The following SLC30A5 variants were observed in gnomAD, a reference collection of about 807,000 sequenced individuals.
The protein encoded by SLC30A5 is solute carrier family 30 member 5, also known as proton-coupled zinc antiporter SLC30A5.
A neutral mutation model predicts 79.6 loss-of-function variants in SLC30A5; 33 were observed. The observed-to-expected ratio is 0.41, with a 90% confidence interval of 0.31 to 0.55. SLC30A5 has a LOEUF of 0.55. Ranked by LOEUF, SLC30A5 falls within the 20% of genes least tolerant of loss-of-function variation. The pLI, the probability that SLC30A5 is intolerant of heterozygous loss-of-function variation, is 0.20. For synonymous variants in SLC30A5, 299 were observed against 319.7 expected (o/e 0.94, Z 0.69); for missense variants, 788 against 928.1 (o/e 0.85, Z 1.96).
Position 69,129,368 on chromosome 5 carries a change from A to G in SLC30A5, c.2128-79A>G. On this transcript the variant is annotated intron_variant, in intron 15 of 15. Transcript: ENST00000396591. ...AGATTAAAGATACTCAACCCGTATC[A>G]ACTATGTACAGCATATTAAGACGTG... The G allele has an allele frequency of 3.1e-6, 3 of 978,134 alleles. No individual in the cohort carries two copies. The South Asian group carries it at 7.0e-5, about 23-fold the overall frequency. The allele number at this position is 978,134 out of a possible 1,614,324, so 60.6% of individuals were successfully genotyped here. A position where few individuals can be genotyped will look rare whatever the true frequency, so the allele number is the denominator to read the frequency against.
In SLC30A5 at chr5:69,116,323, G is replaced by A. The variant is rs183314631; in HGVS notation, c.1073-71G>A. 2.1e-3 allele frequency: 3,098 copies of A among 1,492,582 alleles called. 12 individuals are homozygous for A. The highest frequency in any genetic ancestry group is 5.5e-3 in the South Asian group (408 of 73,682). 92.5% of individuals were successfully genotyped at this position (1,492,582 alleles called of 1,614,324 possible). A position where few individuals can be genotyped will look rare whatever the true frequency, so the allele number is the denominator to read the frequency against. ...TTCTTCAGTGCTTGCATTTAGTGCC[G>A]ACAGTTACTGTGTTGGTTTTGGTAG... On this transcript the variant is annotated intron_variant, in intron 9 of 15. Coordinates refer to ENST00000396591, the MANE Select transcript of SLC30A5 (RefSeq NM_022902.5). This position sits in a 1 kb window ranked among gnomAD's most constrained non-coding sequence, Gnocchi z 4.0.
Position 69,129,541 on chromosome 5 carries a change from G to GAC in SLC30A5, c.2223_2224insCA (p.Phe742HisfsTer8). On this transcript the variant is annotated frameshift_variant, in exon 16 of 16. Transcript: ENST00000396591. LOFTEE classifies it high-confidence loss of function. ...CAACATATGTCTGGCCTAAGTACTG[G>GAC]ATTTCATGATGTTCTGGCTATGACA... 6.2e-7 allele frequency: 1 copy of GAC among 1,613,590 alleles called. No individual in the cohort carries two copies. The highest frequency in any genetic ancestry group is 8.5e-7 in the Non-Finnish European group (1 of 1,179,806).
intron 14 of SLC30A5, chr5:69,123,646 G>A (rs1746595641): frequency 1.6e-5 from 7 of 434,408 alleles, no homozygotes; most frequent in South Asian, 5.8e-5. Context: ...AACAGGGACC[G>A]AATAGATGGA....
rs1055021676 is a variant in SLC30A5, at chr5:69,130,867, T to C, written c.*1250T>C. 4.6e-5 allele frequency: 7 copies of C among 152,146 alleles called. No individual in the cohort carries two copies. The highest frequency in any genetic ancestry group is 1.7e-4 in the African/African-American group (7 of 41,446). 9.4% of individuals were successfully genotyped at this position (152,146 alleles called of 1,614,324 possible). On this transcript the variant is annotated 3_prime_UTR_variant, in exon 16 of 16. Transcript: ENST00000396591. Reference sequence around the variant, plus strand: ...TTCTTATATTAAGAATTTTGATAAGTAGATTGAATTTAGTATGAGTACTAT... The same window carrying C: ...TTCTTATATTAAGAATTTTGATAAGCAGATTGAATTTAGTATGAGTACTAT...
At position 69,105,657 on chromosome 5, in the gene SLC30A5, CA is replaced by C. The variant is rs34252615; in HGVS notation, c.359+952del. Among the ~76,000 whole-genome samples the C allele has an allele frequency of 9.3e-3, 1,373 of 147,154 alleles. 26 individuals are homozygous for C. Among genetic ancestry groups the C allele is most frequent in the African/African-American group, 0.033 (1,303 of 40,090 alleles). On this transcript the variant is annotated intron_variant, in intron 4 of 15. Coordinates refer to ENST00000396591, the MANE Select transcript of SLC30A5 (RefSeq NM_022902.5). ...TGGGCAACAGAGCGAGACTCCGTCTCAAAAAAAAAAAGAATGTTCTAAAGCA... is the reference window on the plus strand; with the variant it reads ...TGGGCAACAGAGCGAGACTCCGTCTCAAAAAAAAAAGAATGTTCTAAAGCA...
At chr5:69,112,716 C>T (rs923410293) in intron 5 of SLC30A5, among the ~76,000 whole-genome samples, 2 of 152,026 alleles carry the variant, frequency 1.3e-5, no homozygotes, top group African/African-American at 4.8e-5. Context: ...TTTACCGTGC[C>T]CTCTGGATTA....
chr5:69,115,165 AGATC>A, intron 7 of SLC30A5, 68 bp from the exon 8 acceptor site: 18 of 754,518 alleles, frequency 2.4e-5, no homozygotes, highest in African/African-American at 6.5e-5. Context: ...AAAAAAAAAA[AGATC>A]ATGTATTTAA....
chr5:69,117,301 T>G lies in SLC30A5; in HGVS notation c.1344T>G (p.Asp448Glu), dbSNP rs35833443. Residue 448 changes from aspartate (D) to glutamate (E), a missense_variant, in exon 11 of 16, where the codon GAT (aspartate) becomes GAG (glutamate). Asp to Glu is a conservative substitution (Grantham distance 45). Transcript: ENST00000396591. ...VLTNSLGLIS[D>E]GFHMLFDCSA... ...CCAATAGTCTGGGCCTGATCTCGGA[T>G]GGATTCCACATGCTTTTTGACTGCT... is the stretch of plus-strand genomic sequence containing the variant. The G allele has an allele frequency of 1.2e-6, 2 of 1,614,030 alleles. No individual in the cohort carries two copies. The highest frequency in any genetic ancestry group is 1.7e-6 in the Non-Finnish European group (2 of 1,179,960).
At chr5:69,112,032 G>A (rs895147548) in intron 5 of SLC30A5, among the ~76,000 whole-genome samples, 8 of 152,154 alleles carry the variant, frequency 5.3e-5, no homozygotes, top group Non-Finnish European at 1.2e-4. Context: ...AGGCACAGTG[G>A]CTCATGCCTG....
At chr5:69,105,116 T>G (rs2111951610) in intron 4 of SLC30A5, among the ~76,000 whole-genome samples, 1 of 152,346 alleles carries the variant, frequency 6.6e-6, no homozygotes, top group African/African-American at 2.4e-5. Flanking sequence ...TTGCACAATT[T>G]TGCAAATACT....
Position 69,117,255 on chromosome 5 carries a change from AATT to A in SLC30A5, c.1302_1304del (p.Leu434del). The A allele has an allele frequency of 6.2e-7, 1 of 1,611,412 alleles. No individual in the cohort carries two copies. The highest frequency in any genetic ancestry group is 8.5e-7 in the Non-Finnish European group (1 of 1,178,534). On this transcript the variant is annotated inframe_deletion, in exon 11 of 16. Transcript: ENST00000396591. ...CATTTTTAGCTTTTTACCTTTGTGGAATTATTCTATGGCGTGCTGACCAATAGT... is the reference window on the plus strand; with the variant it reads ...CATTTTTAGCTTTTTACCTTTGTGGAATTCTATGGCGTGCTGACCAATAGT...
In SLC30A5 at chr5:69,115,373, G is replaced by A; in HGVS notation, c.749G>A (p.Cys250Tyr). Reference protein sequence around the residue: ...LSHLVSVLLLCPWVIVLSVTT... With the variant: ...LSHLVSVLLLYPWVIVLSVTT... ...CATCTTGTTTCTGTGCTTCTCTTGT[G>A]CCCATGGGTCATTGTTCTTTCTGTG... The change falls in exon 8 of 16, where the codon TGC becomes TAC. Residue 250 changes from cysteine to tyrosine, a missense_variant. Coordinates refer to ENST00000396591, the MANE Select transcript of SLC30A5 (RefSeq NM_022902.5). 1 of 1,613,830 alleles carries A rather than the reference G, an allele frequency of 6.2e-7. No homozygotes were observed. The highest frequency in any genetic ancestry group is 1.3e-5 in the African/African-American group (1 of 75,002).
intron 1 of SLC30A5, among the ~76,000 whole-genome samples, chr5:69,095,489 C>T (rs1156715450): frequency 2.0e-5 from 3 of 152,076 alleles, no homozygotes; most frequent in African/African-American, 7.2e-5. Context: ...CATGAGCCAC[C>T]GCGCCCGCCC....
chr5:69,123,467 C>T, intron 14 of SLC30A5, 42 bp downstream of exon 14: 2 of 1,497,178 alleles, frequency 1.3e-6, no homozygotes, highest in Non-Finnish European at 1.9e-6. Flanking sequence ...CCTTGAAAAT[C>T]ACATTTTTGA....
chr5:69,096,670 C>G (rs1262871565), intron 1 of SLC30A5, among the ~76,000 whole-genome samples: 1 of 152,142 alleles, frequency 6.6e-6, no homozygotes, highest in Non-Finnish European at 1.5e-5. Context: ...CAGAAGGACC[C>G]TTCTGGAAAA....
intron 1 of SLC30A5, among the ~76,000 whole-genome samples, chr5:69,100,421 A>G (rs1745877471): frequency 6.6e-6 from 1 of 152,066 alleles, no homozygotes; most frequent in Non-Finnish European, 1.5e-5. Context: ...TATTTTTTGT[A>G]GAGATAGGCT....
rs1186069841 is a variant in SLC30A5, at chr5:69,116,375, T to C, written c.1073-19T>C. 6.4e-7 allele frequency: 1 copy of C among 1,552,966 alleles called. No individual in the cohort carries two copies. Among genetic ancestry groups the C allele is most frequent in the Non-Finnish European group, 8.7e-7 (1 of 1,153,456 alleles). On this transcript the variant is annotated intron_variant, in intron 9 of 15. Coordinates refer to ENST00000396591, the MANE Select transcript of SLC30A5 (RefSeq NM_022902.5). This position sits in a 1 kb window ranked among gnomAD's most constrained non-coding sequence, Gnocchi z 4.0. ...TTAAACTTCGAAAATTTAAACAATA[T>C]TGTTTTTTCTCTTTGTAGCTGCCAA...
chr5:69,121,867 G>A lies in SLC30A5; in HGVS notation c.1743G>A (p.Ala581=), dbSNP rs760249156. ...DHGHGHSHGS[A]GGGMNANMRG... ...GGCATGGTCACAGCCACGGATCTGC[G>A]GGTGGAGGCATGAATGCTAACATGA... The change falls in exon 13 of 16, where the codon GCG becomes GCA. Residue 581 remains alanine, a synonymous_variant. Transcript: ENST00000396591. The A allele has an allele frequency of 1.5e-5, 25 of 1,613,376 alleles. No homozygotes were observed. In the Admixed American group the frequency reaches 1.7e-4, roughly 11 times the overall value.
chr5:69,105,978 T>A (rs1449418785), intron 4 of SLC30A5, among the ~76,000 whole-genome samples: 1 of 152,190 alleles, frequency 6.6e-6, no homozygotes, highest in Non-Finnish European at 1.5e-5. Flanking sequence ...AAAAATTGTC[T>A]TCCAGGAAAC....
Sources: gnomAD v4.1 joint callset for allele counts (sites outside exome capture counted in the v4.1 genomes callset) on GRCh38, gnomAD v4.1.1 for gene constraint, Gnocchi (gnomAD v3.1) non-coding constraint, MANE v1.5 for transcripts, NCBI Gene and HGNC (gene_info 2026-07-23, HGNC 2026-07-21) for gene names.